The following TMEM269 variants were observed in gnomAD, a reference collection of about 807,000 sequenced individuals.
TMEM269 encodes transmembrane protein 269.
Under a neutral mutation model 15.8 loss-of-function variants are expected in TMEM269, and 12 were observed. The observed-to-expected ratio is 0.76, with a 90% CI of 0.49 to 1.23. TMEM269 has a LOEUF of 1.23. TMEM269 is among the 50% of genes most tolerant of loss of function. The pLI, the probability that TMEM269 is intolerant of heterozygous loss-of-function variation, is 0.00. For synonymous variants in TMEM269, 93 were observed against 99.3 expected (o/e 0.94, Z 0.38); for missense variants, 211 against 245.4 (o/e 0.86, Z 0.94).
intron 5 of TMEM269, 48 bp downstream of exon 5, chr1:42,794,661 T>A (rs1217266010): frequency 2.7e-5 from 35 of 1,310,740 alleles, no homozygotes; most frequent in Non-Finnish European, 3.7e-5. Context: ...AGTTGCTTAT[T>A]GCCACTGTAC....
intron 1 of TMEM269, chr1:42,789,422 C>T: frequency 6.5e-7 from 1 of 1,535,320 alleles, no homozygotes. Context: ...TGACAAGGGC[C>T]CACCTCTCAG....
chr1:42,788,469 A>T lies in TMEM269; in HGVS notation c.-98-1327A>T, dbSNP rs1653584389. 6.6e-6 allele frequency among the ~76,000 whole-genome samples: 1 copy of T among 152,130 alleles called. No individual in the cohort carries two copies. The highest frequency in any genetic ancestry group is 1.5e-5 in the Non-Finnish European group (1 of 68,022). ...TCAGTTTCTCAAGCAGATTGAGTGT[A>T]AGGTGTACAAATGTGGTCTTAGAGT... is the stretch of plus-strand genomic sequence containing the variant. On this transcript the variant is annotated intron_variant, in intron 1 of 5. Transcript: ENST00000637012. This position sits in a 1 kb window ranked among gnomAD's most constrained non-coding sequence, Gnocchi z 4.0.
At position 42,793,587 on chromosome 1, in the gene TMEM269, G is replaced by C; in HGVS notation, c.140-14G>C. 1 of 1,545,834 alleles carries C rather than the reference G, an allele frequency of 6.5e-7. No homozygotes were observed. The highest frequency in any genetic ancestry group is 1.4e-5 in the African/African-American group (1 of 72,878). ...GGAGTATAAGTTCTTCTAACCTTGG[G>C]CCGTCTGGGGCAGGAGCCGAGCTGA... is the stretch of plus-strand genomic sequence containing the variant. On this transcript the variant is annotated splice_polypyrimidine_tract_variant and intron_variant, in intron 3 of 5. Transcript: ENST00000637012.
At position 42,798,312 on chromosome 1, in the gene TMEM269, T is replaced by C; in HGVS notation, c.*87T>C. 2 of 1,494,560 alleles carry C rather than the reference T, an allele frequency of 1.3e-6. No individual in the cohort carries two copies. The highest frequency in any genetic ancestry group is 1.8e-6 in the Non-Finnish European group (2 of 1,115,596). 92.6% of individuals were successfully genotyped at this position (1,494,560 alleles called of 1,614,324 possible). On this transcript the variant is annotated 3_prime_UTR_variant, in exon 6 of 6. Coordinates refer to ENST00000637012, the MANE Select transcript of TMEM269 (RefSeq NM_001354602.2). The stretch of plus-strand genomic sequence containing the variant: ...GTCAAGCCTGCACTAAAGCTTTGTA[T>C]GTACCTGTGTTGCCATATACTAGAT...
chr1:42,795,090 C>CA (rs1432259187), intron 5 of TMEM269, among the ~76,000 whole-genome samples: 1 of 152,146 alleles, frequency 6.6e-6, no homozygotes, highest in Non-Finnish European at 1.5e-5. Context: ...CTCTGAGTGT[C>CA]AGAGGGTGAC....
rs139901588 is a variant in TMEM269, at chr1:42,800,405, G to C, written c.*2180G>C. On this transcript the variant is annotated 3_prime_UTR_variant, in exon 6 of 6. Transcript: ENST00000637012. Reference sequence around the variant, plus strand: ...TCTAAAATAGAATGTCTCTTCTTGGGCTTCCTCTTAGGAACAAGGGAGAAG... The same window carrying C: ...TCTAAAATAGAATGTCTCTTCTTGGCCTTCCTCTTAGGAACAAGGGAGAAG... 2.4e-4 allele frequency: 36 copies of C among 152,278 alleles called. No homozygotes were observed. Among genetic ancestry groups the C allele is most frequent in the African/African-American group, 8.7e-4 (36 of 41,548 alleles). The allele number at this position is 152,278 out of a possible 1,614,324, so 9.4% of individuals were successfully genotyped here.
chr1:42,792,672 T>A (rs1653717844), intron 2 of TMEM269, 133 bp from the exon 3 acceptor site: 1 of 659,412 alleles, frequency 1.5e-6, no homozygotes, highest in Non-Finnish European at 2.8e-6. Flanking sequence ...AAGAGGTGTG[T>A]ATGTGTGCAA....
rs1417027293 is a variant in TMEM269 at position 42,800,311 on chromosome 1, A to G, written c.*2086A>G. The G allele has an allele frequency of 6.6e-6, 1 of 152,198 alleles. No homozygotes were observed. The highest frequency in any genetic ancestry group is 1.9e-4 in the East Asian group (1 of 5,194). The allele number at this position is 152,198 out of a possible 1,614,324, so 9.4% of individuals were successfully genotyped here. ...TCTCTGAGAGTATGGTTATACTTCT[A>G]TACGGGCTTGAGGGTCTCAGATACT... On this transcript the variant is annotated 3_prime_UTR_variant, in exon 6 of 6. Coordinates refer to ENST00000637012, the MANE Select transcript of TMEM269 (RefSeq NM_001354602.2).
chr1:42,789,815 C>G lies in TMEM269; in HGVS notation c.-79C>G. The G allele has an allele frequency of 6.5e-7, 1 of 1,543,980 alleles. No homozygotes were observed. Among genetic ancestry groups the G allele is most frequent in the Non-Finnish European group, 8.8e-7 (1 of 1,140,672 alleles). On this transcript the variant is annotated 5_prime_UTR_variant, in exon 2 of 6. Transcript: ENST00000637012. The stretch of plus-strand genomic sequence containing the variant: ...CCCCAGGTAAGGGTACCAGTTTCTT[C>G]CTGAGCCATGACCAGAGCCATTCCC...
rs1041166030 is a variant in TMEM269, at chr1:42,785,991, C to A, written c.-99+909C>A. 4.4e-4 allele frequency among the ~76,000 whole-genome samples: 67 copies of A among 152,350 alleles called. 1 individual carries two copies. Among genetic ancestry groups the A allele is most frequent in the Middle Eastern group, 3.4e-3 (1 of 294 alleles). On this transcript the variant is annotated intron_variant, in intron 1 of 5. Coordinates refer to ENST00000637012, the MANE Select transcript of TMEM269 (RefSeq NM_001354602.2). ...CTTGTTCTCCTCATCCCCCACCCCACACACAAGGCCCGGCACAGAGCAGCC... is the reference window on the plus strand; with the variant it reads ...CTTGTTCTCCTCATCCCCCACCCCAAACACAAGGCCCGGCACAGAGCAGCC...
chr1:42,794,446 C>G lies in TMEM269; in HGVS notation c.317C>G (p.Pro106Arg), dbSNP rs763854600. ...TCCACATACAAGGGTCTACCCTGCCCCTATGCTTCCTGCATCTTGGCTTCC... is the reference window on the plus strand; with the variant it reads ...TCCACATACAAGGGTCTACCCTGCCGCTATGCTTCCTGCATCTTGGCTTCC... ...VPSTYKGLPCPYASCILASTS... is the reference protein window; with the variant it reads ...VPSTYKGLPCRYASCILASTS... Residue 106 changes from proline to arginine, a missense_variant, in exon 5 of 6, where the codon CCC (proline) becomes CGC (arginine). Coordinates refer to ENST00000637012, the MANE Select transcript of TMEM269 (RefSeq NM_001354602.2). 1.7e-5 allele frequency: 26 copies of G among 1,550,446 alleles called. No individual in the cohort carries two copies. The highest frequency in any genetic ancestry group is 2.2e-5 in the Non-Finnish European group (25 of 1,147,004).
In TMEM269 at chr1:42,788,045, G is replaced by A. The variant is rs140199000; in HGVS notation, c.-98-1751G>A. On this transcript the variant is annotated intron_variant, in intron 1 of 5. Coordinates refer to ENST00000637012, the MANE Select transcript of TMEM269 (RefSeq NM_001354602.2). This position sits in a 1 kb window ranked among gnomAD's most constrained non-coding sequence, Gnocchi z 4.0. ...TAGGAATCCCAATGGCTCTGGCCAT[G>A]TAGCTACTGATCACCTTTGGTGAGT... 1 of 152,480 alleles carries A rather than the reference G, an allele frequency of 6.6e-6. No homozygotes were observed. The highest frequency in any genetic ancestry group is 1.9e-4 in the East Asian group (1 of 5,190). 9.4% of individuals were successfully genotyped at this position (152,480 alleles called of 1,614,324 possible).
chr1:42,793,073 G>A (rs184446238), intron 3 of TMEM269, among the ~76,000 whole-genome samples, 171 bp downstream of exon 3: 287 of 152,284 alleles, frequency 1.9e-3, no homozygotes, highest in African/African-American at 6.6e-3. Context: ...CAGGAGCCCC[G>A]CGGTCCAGCT....
In TMEM269 at chr1:42,788,625, G is replaced by T. The variant is rs1401997652; in HGVS notation, c.-98-1171G>T. Among the ~76,000 whole-genome samples, 1 of 152,162 alleles carries T rather than the reference G, an allele frequency of 6.6e-6. No homozygotes were observed. Among genetic ancestry groups the T allele is most frequent in the Non-Finnish European group, 1.5e-5 (1 of 68,030 alleles). On this transcript the variant is annotated intron_variant, in intron 1 of 5. Transcript: ENST00000637012. This position sits in a 1 kb window ranked among gnomAD's most constrained non-coding sequence, Gnocchi z 4.0. ...GTCCCACACACACAGGGAGGCTGCT[G>T]CTGCCTCGCAGGCCTGGCCATTGAG...
rs112409192 is a variant in TMEM269, at chr1:42,789,663, T to G, written c.-98-133T>G. On this transcript the variant is annotated intron_variant, in intron 1 of 5. Coordinates refer to ENST00000637012, the MANE Select transcript of TMEM269 (RefSeq NM_001354602.2). ...CTCCTTCATCTACCTCCTGTCTCCCTTAGTCCAGCCAGTGAAACAGAATGT... is the reference window on the plus strand; with the variant it reads ...CTCCTTCATCTACCTCCTGTCTCCCGTAGTCCAGCCAGTGAAACAGAATGT... The G allele has an allele frequency of 2.8e-3, 2,306 of 815,010 alleles. 42 individuals are homozygous for G. The African/African-American group carries it at 0.035, about 12-fold the overall frequency. 50.5% of individuals were successfully genotyped at this position (815,010 alleles called of 1,614,324 possible).
intron 5 of TMEM269, 60 bp downstream of exon 5, chr1:42,794,673 T>C: frequency 8.6e-7 from 1 of 1,156,172 alleles, no homozygotes; most frequent in South Asian, 1.3e-5. Flanking sequence ...CCACTGTACC[T>C]CACCCCAGCA....
Position 42,797,767 on chromosome 1 carries a change from G to T in TMEM269, c.485-331G>T. On this transcript the variant is annotated intron_variant, in intron 5 of 5. Transcript: ENST00000637012. This position sits in a 1 kb window ranked among gnomAD's most constrained non-coding sequence, Gnocchi z 4.9. ...ATGTTAAATTTAAAACAATGAGGAAGATTTTTTTTTCCTAACAAGGGTTTT... is the reference window on the plus strand; with the variant it reads ...ATGTTAAATTTAAAACAATGAGGAATATTTTTTTTTCCTAACAAGGGTTTT... 1 of 501,038 alleles carries T rather than the reference G, an allele frequency of 2.0e-6. No homozygotes were observed. The highest frequency in any genetic ancestry group is 4.0e-6 in the Non-Finnish European group (1 of 248,492). 31.0% of individuals were successfully genotyped at this position (501,038 alleles called of 1,614,324 possible).
chr1:42,792,736 G>A, intron 2 of TMEM269, 69 bp from the exon 3 acceptor site: 2 of 880,106 alleles, frequency 2.3e-6, no homozygotes, highest in South Asian at 1.4e-5. Context: ...CTAATGGGGG[G>A]CAGGGGAGAG....
chr1:42,794,701 T>C (rs888547417), intron 5 of TMEM269, 88 bp downstream of exon 5: 15 of 917,544 alleles, frequency 1.6e-5, no homozygotes, highest in Non-Finnish European at 2.1e-5. Context: ...ATCTCTCTTA[T>C]TCTGCTTTAT....
Sources: allele counts gnomAD v4.1 joint callset (sites outside exome capture counted in the v4.1 genomes callset), GRCh38; gene constraint gnomAD v4.1.1; non-coding constraint Gnocchi (gnomAD v3.1); transcripts MANE v1.5; gene names NCBI Gene and HGNC (gene_info 2026-07-23, HGNC 2026-07-21).